The following CSTPP1 variants were observed in gnomAD, a reference collection of about 807,000 sequenced individuals.
The protein encoded by CSTPP1 is centriolar satellite-associated tubulin polyglutamylase complex regulator 1, also known as UPF0705 protein C11orf49.
chr11:46,975,490 C>G, the CSTPP1 span, among the ~76,000 whole-genome samples: 5 of 152,226 alleles, frequency 3.3e-5, no homozygotes, highest in South Asian at 1.0e-3. Flanking sequence ...GCTAGAAATA[C>G]AGGGGGTACA....
the CSTPP1 span, among the ~76,000 whole-genome samples, chr11:47,073,771 T>G: frequency 6.6e-6 from 1 of 152,222 alleles, no homozygotes; most frequent in Non-Finnish European, 1.5e-5. Context: ...TAAGATATCT[T>G]TGATATATTA....
the CSTPP1 span, chr11:47,161,055 G>C: frequency 6.3e-7 from 1 of 1,590,140 alleles, no homozygotes; most frequent in Non-Finnish European, 8.6e-7. Context: ...GTGAAGGTGA[G>C]GGGCATGGAG....
the CSTPP1 span, among the ~76,000 whole-genome samples, chr11:47,163,827 G>C: frequency 6.6e-6 from 1 of 151,898 alleles, no homozygotes; most frequent in Non-Finnish European, 1.5e-5. Context: ...TGTATTTTTA[G>C]TAGAAATGGG....
the CSTPP1 span, chr11:46,987,932 A>G: frequency 6.6e-6 from 1 of 152,348 alleles, no homozygotes; most frequent in African/African-American, 2.4e-5. Flanking sequence ...AAAACAAGAC[A>G]TACAAATGGC....
chr11:47,077,537 C>CT, the CSTPP1 span, among the ~76,000 whole-genome samples: 1 of 152,082 alleles, frequency 6.6e-6, no homozygotes, highest in Non-Finnish European at 1.5e-5. Flanking sequence ...GTTTCATAAA[C>CT]TTTAACTTTT....
the CSTPP1 span, among the ~76,000 whole-genome samples, chr11:47,121,069 A>G: frequency 6.6e-6 from 1 of 152,206 alleles, no homozygotes; most frequent in African/African-American, 2.4e-5. Context: ...TCTAAGCATC[A>G]TCTTTGTCAT....
chr11:47,086,925 C>G, the CSTPP1 span, among the ~76,000 whole-genome samples: 1 of 152,196 alleles, frequency 6.6e-6, no homozygotes, highest in South Asian at 2.1e-4. Flanking sequence ...GAAATCTGTA[C>G]AGTATAGCTA....
the CSTPP1 span, among the ~76,000 whole-genome samples, chr11:46,983,725 A>T: frequency 6.6e-6 from 1 of 152,170 alleles, no homozygotes. Context: ...AGTTTGATAA[A>T]CTAAGGATTT....
At chr11:46,954,054 T>C in the CSTPP1 span, among the ~76,000 whole-genome samples, 1 of 152,180 alleles carries the variant, frequency 6.6e-6, no homozygotes, top group Non-Finnish European at 1.5e-5. Flanking sequence ...AGTACAAGTA[T>C]TCTGAGCTAC....
chr11:47,083,213 CTCAT>C, the CSTPP1 span, among the ~76,000 whole-genome samples: 1 of 152,200 alleles, frequency 6.6e-6, no homozygotes, highest in African/African-American at 2.4e-5. Context: ...AGGACATGAT[CTCAT>C]TCCTTTTTAT....
At chr11:46,955,075 A>T in the CSTPP1 span, among the ~76,000 whole-genome samples, 2 of 152,190 alleles carry the variant, frequency 1.3e-5, no homozygotes, top group African/African-American at 4.8e-5. Flanking sequence ...CTCCCTCCCC[A>T]TAAATTCAAG....
chr11:47,072,230 C>G, the CSTPP1 span, among the ~76,000 whole-genome samples: 1 of 152,216 alleles, frequency 6.6e-6, no homozygotes, highest in Non-Finnish European at 1.5e-5. Flanking sequence ...GCCAAGGATT[C>G]CCTGTTCTGT....
At chr11:46,969,712 C>T in the CSTPP1 span, among the ~76,000 whole-genome samples, 3 of 152,114 alleles carry the variant, frequency 2.0e-5, no homozygotes, top group Non-Finnish European at 4.4e-5. Flanking sequence ...GGATATTATG[C>T]TGCAATGAGA....
At chr11:47,086,499 A>C in the CSTPP1 span, among the ~76,000 whole-genome samples, 1 of 151,644 alleles carries the variant, frequency 6.6e-6, no homozygotes, top group Non-Finnish European at 1.5e-5. Flanking sequence ...AGAAAAGGGG[A>C]GGAAGTAGGG....
chr11:46,973,804 GTGTGTC>G, the CSTPP1 span, among the ~76,000 whole-genome samples: 163 of 152,166 alleles, frequency 1.1e-3, no homozygotes, highest in African/African-American at 3.7e-3. Context: ...GTGTGTCTGT[GTGTGTC>G]TGTGTGTCTG....
At chr11:47,073,326 G>A in the CSTPP1 span, among the ~76,000 whole-genome samples, 1 of 152,290 alleles carries the variant, frequency 6.6e-6, no homozygotes, top group South Asian at 2.1e-4. Flanking sequence ...GTGTCGGGAT[G>A]TATGGTTCAA....
the CSTPP1 span, among the ~76,000 whole-genome samples, chr11:47,072,915 A>G: frequency 2.0e-5 from 3 of 152,224 alleles, no homozygotes; most frequent in African/African-American, 7.2e-5. Flanking sequence ...CTGAACATTT[A>G]TATTTATTGT....
the CSTPP1 span, among the ~76,000 whole-genome samples, chr11:47,027,427 T>C: frequency 6.6e-6 from 1 of 152,138 alleles, no homozygotes; most frequent in Non-Finnish European, 1.5e-5. Flanking sequence ...ACCAGGTCCT[T>C]TGCGTAGCCT....
At chr11:47,137,505 A>G in the CSTPP1 span, 1 of 1,516,288 alleles carries the variant, frequency 6.6e-7, no homozygotes, top group South Asian at 1.3e-5. Flanking sequence ...GAGGTTAGAG[A>G]CTAGCATACC....
Sources: gnomAD v4.1 joint callset for allele counts (sites outside exome capture counted in the v4.1 genomes callset) on GRCh38, gnomAD v4.1.1 for gene constraint, MANE v1.5 for transcripts, NCBI Gene and HGNC (gene_info 2026-07-23, HGNC 2026-07-21) for gene names.